ZFC3H1: variants seen among roughly 807,000 people sequenced by gnomAD.
ZFC3H1 encodes the protein zinc finger C3H1-type containing, also known as zinc finger C3H1 domain-containing protein.
ZFC3H1 carries 71 observed loss-of-function variants against 243.7 expected under a neutral mutation model. The observed-to-expected ratio is 0.29, with a 90% CI of 0.24 to 0.36. The LOEUF is 0.36. Ranked by LOEUF, ZFC3H1 falls within the 10% of genes least tolerant of loss-of-function variation. The probability of loss-of-function intolerance (pLI) is 1.00; values close to 1 mark genes in which losing one functional copy is unlikely to be tolerated. For missense variants in ZFC3H1, 1,966 were observed against 2,317.1 expected, an observed-to-expected ratio of 0.85 and a Z score of 3.11; for synonymous variants, 838 against 813.0, an observed-to-expected ratio of 1.03 and a Z score of -0.52.
intron 12 of ZFC3H1, among the ~76,000 whole-genome samples, chr12:71,633,796 A>G (rs1299219387): frequency 6.6e-6 from 1 of 152,090 alleles, no homozygotes; most frequent in Non-Finnish European, 1.5e-5. Context: ...CTGGGATTAC[A>G]AGGCATGCAC....
In ZFC3H1 at chr12:71,629,514, G is replaced by C. The variant is rs887489183; in HGVS notation, c.3826+95C>G. 7.4e-6 allele frequency: 6 copies of C among 807,292 alleles called. No individual in the cohort carries two copies. The Admixed American group carries it at 1.3e-4, about 18-fold the overall frequency. 50.0% of individuals were successfully genotyped at this position (807,292 alleles called of 1,614,324 possible). On this transcript the variant is annotated intron_variant, in intron 19 of 34. Transcript: ENST00000378743. Reference sequence around the variant, plus strand: ...AGAACATAATACCAACAAAATTTCTGTCATACAGAAACTAAAAAGTCCTTT... The same window carrying C: ...AGAACATAATACCAACAAAATTTCTCTCATACAGAAACTAAAAAGTCCTTT...
At chr12:71,639,053 A>C (rs1028390805) in intron 6 of ZFC3H1, among the ~76,000 whole-genome samples, 1 of 152,086 alleles carries the variant, frequency 6.6e-6, no homozygotes, top group Non-Finnish European at 1.5e-5. Context: ...TAAGGTGCAC[A>C]TTTTTTCACA....
Position 71,663,386 on chromosome 12 carries a change from T to A in ZFC3H1, c.225A>T (p.Ser75=), listed in dbSNP as rs1483661864. ...TCAGCTGCTGCTGAGAAGAGGACGA[T>A]GACGAGGAAGAGCCACCGCCTCCGC... ...GSGGGGGSSS[S]SSSSQQQLRN... The change falls in exon 1 of 35, where the codon TCA becomes TCT. Residue 75 remains serine, a synonymous_variant. Transcript: ENST00000378743. 2.5e-6 allele frequency: 4 copies of A among 1,612,214 alleles called. No homozygotes were observed. The highest frequency in any genetic ancestry group is 2.7e-5 in the African/African-American group (2 of 74,928).
At chr12:71,654,616 G>A (rs562397068) in intron 2 of ZFC3H1, among the ~76,000 whole-genome samples, 1 of 151,552 alleles carries the variant, frequency 6.6e-6, no homozygotes, top group South Asian at 2.1e-4. Flanking sequence ...TATAAGACCA[G>A]AAATTTAGTA....
intron 4 of ZFC3H1, 76 bp from the exon 5 acceptor site, chr12:71,644,394 C>T: frequency 1.4e-6 from 2 of 1,439,364 alleles, no homozygotes; most frequent in Non-Finnish European, 1.9e-6. Flanking sequence ...AAAATATTTT[C>T]ATTATTGATT....
intron 22 of ZFC3H1, 51 bp downstream of exon 22, chr12:71,626,209 T>TACAC (rs55719302): frequency 0.049 from 51,482 of 1,050,472 alleles, 674 homozygotes; most frequent in Admixed American, 0.21. Context: ...CAAATAATTA[T>TACAC]ACACACACAC....
Position 71,613,321 on chromosome 12 carries a change from TAA to T in ZFC3H1, c.5627+12_5627+13del, listed in dbSNP as rs1198836100. ...ATTAGGCAGAGGACCAAAAGAATGT[TAA>T]GTTTTTCTTACCTCAATGCAAGTCC... On this transcript the variant is annotated intron_variant, in intron 31 of 34. Coordinates refer to ENST00000378743, the MANE Select transcript of ZFC3H1 (RefSeq NM_144982.5). The T allele has an allele frequency of 1.9e-6, 3 of 1,595,752 alleles. No individual in the cohort carries two copies. Among genetic ancestry groups the T allele is most frequent in the Admixed American group, 1.7e-5 (1 of 58,100 alleles).
chr12:71,620,304 C>A lies in ZFC3H1; in HGVS notation c.4756G>T (p.Ala1586Ser). 1.2e-6 allele frequency: 2 copies of A among 1,614,148 alleles called. No individual in the cohort carries two copies. Among genetic ancestry groups the A allele is most frequent in the Non-Finnish European group, 1.7e-6 (2 of 1,180,006 alleles). Residue 1586 changes from alanine (A) to serine (S), a missense_variant, in exon 25 of 35, where the codon GCT becomes TCT. By Grantham distance (99) the Ala-to-Ser change is moderately conservative. This residue lies in a region of ZFC3H1 where 1,383 missense variants were observed against 1,723.7 expected (regional missense o/e 0.80). Coordinates refer to ENST00000378743, the MANE Select transcript of ZFC3H1 (RefSeq NM_144982.5). Reference sequence around the variant, plus strand: ...ACAGCAAGGCTCTCATCTGTGCAAGCTTTCACTGCATCTACCCAAAAACAT... The same window carrying A: ...ACAGCAAGGCTCTCATCTGTGCAAGATTTCACTGCATCTACCCAAAAACAT... ...LLAVFEDAVK[A>S]CTDESLAVEE...
At chr12:71,634,871 C>G in intron 10 of ZFC3H1, 46 bp from the exon 11 acceptor site, 8 of 1,556,030 alleles carry the variant, frequency 5.1e-6, no homozygotes, top group Non-Finnish European at 6.9e-6. Context: ...ATCAGCTTTC[C>G]AAAATTCCAT....
intron 27 of ZFC3H1, among the ~76,000 whole-genome samples, chr12:71,615,573 G>A (rs1879875247): frequency 6.6e-6 from 1 of 152,146 alleles, no homozygotes; most frequent in African/African-American, 2.4e-5. Context: ...CTGGAGTGCA[G>A]TGGCATGATC....
intron 6 of ZFC3H1, among the ~76,000 whole-genome samples, chr12:71,640,674 G>T (rs1311137257): frequency 6.6e-6 from 1 of 152,180 alleles, no homozygotes; most frequent in Non-Finnish European, 1.5e-5. Flanking sequence ...CTCTACCTTG[G>T]TGGCACTGTG....
chr12:71,618,292 A>C (rs527421414), intron 27 of ZFC3H1, among the ~76,000 whole-genome samples: 2,708 of 133,110 alleles, frequency 0.02, 67 homozygotes, highest in African/African-American at 0.066. Flanking sequence ...AAAAAAAAAC[A>C]AAAACAAAAA....
intron 12 of ZFC3H1, 108 bp from the exon 13 acceptor site, chr12:71,633,546 A>C: frequency 1.2e-6 from 1 of 807,050 alleles, no homozygotes; most frequent in South Asian, 1.9e-5. Context: ...TGCATCTACG[A>C]GACACAGATA....
At chr12:71,632,740 A>C (rs1268569420) in intron 14 of ZFC3H1, 146 bp downstream of exon 14, 2 of 1,299,234 alleles carry the variant, frequency 1.5e-6, no homozygotes. Flanking sequence ...ACATCCAAAA[A>C]TGTGGATGTC....
chr12:71,613,091 A>G (rs573649491), intron 31 of ZFC3H1, among the ~76,000 whole-genome samples: 1 of 152,300 alleles, frequency 6.6e-6, no homozygotes, highest in African/African-American at 2.4e-5. Context: ...ACACAGATGA[A>G]CTTTACTTGA....
At chr12:71,623,916 C>G (rs1456606445) in intron 23 of ZFC3H1, among the ~76,000 whole-genome samples, 188 bp downstream of exon 23, 1 of 152,090 alleles carries the variant, frequency 6.6e-6, no homozygotes, top group African/African-American at 2.4e-5. Flanking sequence ...AGATATTACA[C>G]CCATCAGGCA....
Position 71,615,253 on chromosome 12 carries a change from A to G in ZFC3H1, c.5208T>C (p.Asp1736=), listed in dbSNP as rs746350432. The change falls in exon 28 of 35, where the codon GAT becomes GAC. Residue 1736 remains aspartate (D), a synonymous_variant. Coordinates refer to ENST00000378743, the MANE Select transcript of ZFC3H1 (RefSeq NM_144982.5). ...IPSRLCKGNF[D]DDMFNHQVPY... ...GAACTTGGTGGTTAAACATATCATC[A>G]TCAAAATTCCCTTTACATAAACGAG... The G allele has an allele frequency of 1.8e-4, 288 of 1,613,684 alleles. No individual in the cohort carries two copies. The highest frequency in any genetic ancestry group is 2.4e-4 in the Non-Finnish European group (282 of 1,179,874).
chr12:71,654,224 G>A (rs989701609), intron 2 of ZFC3H1, among the ~76,000 whole-genome samples: 3 of 152,050 alleles, frequency 2.0e-5, no homozygotes, highest in Non-Finnish European at 4.4e-5. Context: ...AGGATCATTT[G>A]AGCCCAGGAG....
chr12:71,645,120 T>C, intron 3 of ZFC3H1, 45 bp from the exon 4 acceptor site: 1 of 1,499,798 alleles, frequency 6.7e-7, no homozygotes, highest in South Asian at 1.3e-5. Flanking sequence ...ATTCTATTAT[T>C]TAGCTTACAC....
Sources: allele counts gnomAD v4.1 joint callset (sites outside exome capture counted in the v4.1 genomes callset), GRCh38; gene constraint gnomAD v4.1.1; regional missense constraint gnomAD v4.1.1; transcripts MANE v1.5; gene names NCBI Gene and HGNC (gene_info 2026-07-23, HGNC 2026-07-21).